The following METTL24 variants were observed in gnomAD, a reference collection of about 807,000 sequenced individuals.
METTL24 encodes probable methyltransferase-like protein 24.
A neutral mutation model predicts 32.7 loss-of-function variants in METTL24; 29 were observed. The ratio of observed to expected loss-of-function variants is 0.89; its 90% confidence interval spans 0.66 to 1.21. The LOEUF is 1.21. Among genes scored for constraint, METTL24 ranks in the 50% most tolerant of loss-of-function variants. METTL24 has a pLI of 0.00. For synonymous variants in METTL24, 163 were observed against 179.5 expected (o/e 0.91, Z 0.73); for missense variants, 439 against 468.1 (o/e 0.94, Z 0.57).
intron 4 of METTL24, among the ~76,000 whole-genome samples, chr6:110,291,863 CTTG>C (rs1771327095): frequency 6.6e-6 from 1 of 152,162 alleles, no homozygotes; most frequent in African/African-American, 2.4e-5. Context: ...TCCAAATTCT[CTTG>C]TTGTTCCATT....
In METTL24 at chr6:110,283,223, C is replaced by G. The variant is rs192808818; in HGVS notation, c.786+15699G>C. 4.6e-5 allele frequency among the ~76,000 whole-genome samples: 7 copies of G among 152,268 alleles called. No homozygotes were observed. In the East Asian group the frequency reaches 1.3e-3, roughly 29 times the overall value. Reference sequence around the variant, plus strand: ...TAACAAGACTACACTTTTATATCCACTACACTTTTATCTTACATACACTAC... The same window carrying G: ...TAACAAGACTACACTTTTATATCCAGTACACTTTTATCTTACATACACTAC... On this transcript the variant is annotated intron_variant, in intron 4 of 4. Coordinates refer to ENST00000338882, the MANE Select transcript of METTL24 (RefSeq NM_001123364.3).
At chr6:110,329,453 T>G (rs1772073903) in intron 1 of METTL24, among the ~76,000 whole-genome samples, 1 of 128,070 alleles carries the variant, frequency 7.8e-6, no homozygotes. Context: ...CATCTGTTAG[T>G]GGGCAGGAAA....
At chr6:110,270,226 G>T (rs546248242) in intron 4 of METTL24, among the ~76,000 whole-genome samples, 1 of 152,108 alleles carries the variant, frequency 6.6e-6, no homozygotes, top group South Asian at 2.1e-4. Context: ...CTTCAGTGGT[G>T]GCTCGTTTTA....
rs952475379 is a variant in METTL24, at chr6:110,315,470, A to G, written c.429T>C (p.Asn143=). 30 of 1,613,752 alleles carry G rather than the reference A, an allele frequency of 1.9e-5. No homozygotes were observed. The highest frequency in any genetic ancestry group is 2.3e-5 in the Non-Finnish European group (27 of 1,179,972). Residue 143 remains asparagine, a synonymous_variant, in exon 3 of 5, where the codon AAT becomes AAC. Coordinates refer to ENST00000338882, the MANE Select transcript of METTL24 (RefSeq NM_001123364.3). Reference sequence around the variant, plus strand: ...TAGCCAGGCTGTCTGTATTCATGTGATTGCATGCAATCTGTAAAGATTGGA... The same window carrying G: ...TAGCCAGGCTGTCTGTATTCATGTGGTTGCATGCAATCTGTAAAGATTGGA... ...RYISTTQIAC[N]HMNTDSLATD...
intron 1 of METTL24, among the ~76,000 whole-genome samples, chr6:110,331,627 T>A (rs999699006): frequency 1.1e-4 from 14 of 127,524 alleles, no homozygotes; most frequent in South Asian, 2.5e-4. Context: ...GCCACTGCAC[T>A]CCAGCCTGTC....
intron 4 of METTL24, among the ~76,000 whole-genome samples, chr6:110,291,219 T>A (rs1002029615): frequency 2.6e-5 from 4 of 152,168 alleles, no homozygotes; most frequent in Admixed American, 2.0e-4. Flanking sequence ...CTTTTTAAAA[T>A]TTTTTTATGG....
At chr6:110,317,738 A>T (rs893262072) in intron 2 of METTL24, among the ~76,000 whole-genome samples, 1 of 152,100 alleles carries the variant, frequency 6.6e-6, no homozygotes, top group Non-Finnish European at 1.5e-5. Context: ...TCCTAATGCC[A>T]TCCAAACCTA....
intron 4 of METTL24, among the ~76,000 whole-genome samples, chr6:110,294,846 T>A (rs1771381556): frequency 6.6e-6 from 1 of 152,074 alleles, no homozygotes; most frequent in Non-Finnish European, 1.5e-5. Context: ...TCAAATTTTC[T>A]TCCTGAAAGA....
chr6:110,306,328 T>C (rs1428716865), intron 3 of METTL24, among the ~76,000 whole-genome samples: 1 of 151,248 alleles, frequency 6.6e-6, no homozygotes, highest in African/African-American at 2.4e-5. Flanking sequence ...TAAATAAATA[T>C]TATTTAAATA....
At chr6:110,249,691 A>C (rs1707083475) in intron 4 of METTL24, among the ~76,000 whole-genome samples, 1 of 152,014 alleles carries the variant, frequency 6.6e-6, no homozygotes, top group South Asian at 2.1e-4. Context: ...AGCTTTCAAC[A>C]ATTATGCCAC....
chr6:110,334,131 C>T (rs756373594), intron 1 of METTL24, among the ~76,000 whole-genome samples: 4 of 152,080 alleles, frequency 2.6e-5, no homozygotes, highest in Non-Finnish European at 4.4e-5. Flanking sequence ...TCCCGCAACA[C>T]CTGCACAGCA....
chr6:110,258,982 T>C (rs1399687470), intron 4 of METTL24, among the ~76,000 whole-genome samples: 1 of 152,096 alleles, frequency 6.6e-6, no homozygotes, highest in Non-Finnish European at 1.5e-5. Context: ...CCCCAATATC[T>C]TTTGAAAGTT....
At chr6:110,353,571 G>A (rs939711626) in intron 1 of METTL24, among the ~76,000 whole-genome samples, 3 of 110,404 alleles carry the variant, frequency 2.7e-5, no homozygotes, top group African/African-American at 7.2e-5. Flanking sequence ...TTTTTTTTCC[G>A]CCTGACACAT....
At chr6:110,265,883 T>TCTTCCTCCTCCTCCTTCTC (rs1770849049) in intron 4 of METTL24, among the ~76,000 whole-genome samples, 2 of 150,154 alleles carry the variant, frequency 1.3e-5, no homozygotes, top group African/African-American at 4.9e-5. Flanking sequence ...TCCTTCTTCC[T>TCTTCCTCCTCCTCCTTCTC]CTTCCTCCTC....
intron 4 of METTL24, among the ~76,000 whole-genome samples, chr6:110,266,078 A>AT (rs1770853189): frequency 6.6e-6 from 1 of 151,616 alleles, no homozygotes; most frequent in Non-Finnish European, 1.5e-5. Context: ...TTTTAAAACA[A>AT]TTTTTTTGTA....
At chr6:110,288,661 G>A (rs951758848) in intron 4 of METTL24, among the ~76,000 whole-genome samples, 5 of 152,006 alleles carry the variant, frequency 3.3e-5, no homozygotes, top group Admixed American at 1.3e-4. Context: ...GAGAGAGAGA[G>A]AAAAAGAAAC....
Position 110,287,110 on chromosome 6 carries a change from T to C in METTL24, c.786+11812A>G, listed in dbSNP as rs1771235699. Reference sequence around the variant, plus strand: ...CTGTCATCAGATGGGCTTTCTACTCTATTGCAGCTCCATGTTAGTTAAACA... The same window carrying C: ...CTGTCATCAGATGGGCTTTCTACTCCATTGCAGCTCCATGTTAGTTAAACA... On this transcript the variant is annotated intron_variant, in intron 4 of 4. Transcript: ENST00000338882. Among the ~76,000 whole-genome samples, 2 of 152,224 alleles carry C rather than the reference T, an allele frequency of 1.3e-5. 1 individual carries two copies. Among genetic ancestry groups the C allele is most frequent in the South Asian group, 4.1e-4 (2 of 4,836 alleles).
chr6:110,354,091 T>C lies in METTL24; in HGVS notation c.318+3864A>G, dbSNP rs116856710. 1.6e-3 allele frequency among the ~76,000 whole-genome samples: 248 copies of C among 152,230 alleles called. 1 individual carries two copies. The highest frequency in any genetic ancestry group is 3.4e-3 in the Middle Eastern group (1 of 294). On this transcript the variant is annotated intron_variant, in intron 1 of 4. Coordinates refer to ENST00000338882, the MANE Select transcript of METTL24 (RefSeq NM_001123364.3). ...AGAATCTGTAATACACAAGAATATA[T>C]AGGTTCCAGGGTGGGCATAATCAAA...
intron 1 of METTL24, among the ~76,000 whole-genome samples, chr6:110,352,027 T>C (rs1198428403): frequency 6.6e-6 from 1 of 152,224 alleles, no homozygotes. Context: ...CCTTTTTTGT[T>C]TAAGTTAGGC....
Sources: gnomAD v4.1 joint callset for allele counts (sites outside exome capture counted in the v4.1 genomes callset) on GRCh38, gnomAD v4.1.1 for gene constraint, MANE v1.5 for transcripts, NCBI Gene and HGNC (gene_info 2026-07-23, HGNC 2026-07-21) for gene names.